MYBPC1: variants seen among roughly 807,000 people sequenced by gnomAD.
The protein encoded by MYBPC1 is myosin binding protein C1.
A neutral mutation model predicts 147.1 loss-of-function variants in MYBPC1; 52 were observed. That is an observed-to-expected ratio of 0.35 (90% CI 0.28 to 0.45). MYBPC1 has a LOEUF of 0.45. MYBPC1 is among the 20% of genes least tolerant of loss of function. The pLI is 1.00. For missense variants in MYBPC1, 1,228 were observed against 1,440.3 expected (o/e 0.85, Z 2.39); for synonymous variants, 477 against 475.9 (o/e 1.00, Z -0.03).
chr12:101,652,875 A>G (rs1247251223), intron 17 of MYBPC1, 91 bp downstream of exon 17: 2 of 1,233,764 alleles, frequency 1.6e-6, no homozygotes, highest in Non-Finnish European at 2.4e-6. Context: ...AAACTAAGTG[A>G]CATTTAAGGA....
intron 11 of MYBPC1, among the ~76,000 whole-genome samples, chr12:101,643,422 G>A (rs866393016): frequency 6.6e-6 from 1 of 152,148 alleles, no homozygotes; most frequent in African/African-American, 2.4e-5. Context: ...AGAGCCAGCT[G>A]ACATCTCTTT....
chr12:101,652,698 C>T lies in MYBPC1; in HGVS notation c.1547C>T (p.Ala516Val), dbSNP rs754020940. Reference protein sequence around the residue: ...HKGRIHKLVIANALTEDEGDY... With the variant: ...HKGRIHKLVIVNALTEDEGDY... ...CTTAGGATCCACAAGTTAGTGATAGCCAATGCCCTCACTGAAGATGAAGGT... is the reference window on the plus strand; with the variant it reads ...CTTAGGATCCACAAGTTAGTGATAGTCAATGCCCTCACTGAAGATGAAGGT... Residue 516 changes from alanine to valine, a missense_variant, in exon 17 of 32, where the codon GCC (alanine) becomes GTC (valine). Around this residue, in one of 2 missense-constraint regions of MYBPC1, gnomAD observed 1,077 missense variants for 1,314.2 expected, o/e 0.82. Coordinates refer to ENST00000361466, the MANE Select transcript of MYBPC1 (RefSeq NM_002465.4). 6.2e-7 allele frequency: 1 copy of T among 1,613,174 alleles called. No individual in the cohort carries two copies. Among genetic ancestry groups the T allele is most frequent in the South Asian group, 1.1e-5 (1 of 91,060 alleles).
intron 16 of MYBPC1, among the ~76,000 whole-genome samples, 196 bp from the exon 17 acceptor site, chr12:101,652,482 G>A (rs768235932): frequency 6.6e-6 from 1 of 151,902 alleles, no homozygotes; most frequent in African/African-American, 2.4e-5. Flanking sequence ...CCAAAATAAA[G>A]ATTTAATTTG....
chr12:101,627,532 C>T (rs1264282029), intron 4 of MYBPC1, among the ~76,000 whole-genome samples: 2 of 152,144 alleles, frequency 1.3e-5, no homozygotes, highest in Admixed American at 6.5e-5. Context: ...CATGAACCAC[C>T]GCCCCCAGCT....
At chr12:101,668,407 C>T (rs1897889658) in intron 23 of MYBPC1, among the ~76,000 whole-genome samples, 1 of 152,126 alleles carries the variant, frequency 6.6e-6, no homozygotes, top group Non-Finnish European at 1.5e-5. Flanking sequence ...GCCTTGCCTT[C>T]CTCACCACCA....
At position 101,655,582 on chromosome 12, in the gene MYBPC1, G is replaced by C. The variant is rs181696260; in HGVS notation, c.1767+2334G>C. Among the ~76,000 whole-genome samples the C allele has an allele frequency of 5.9e-4, 90 of 152,348 alleles. No individual in the cohort carries two copies. In the East Asian group the frequency reaches 0.015, roughly 26 times the overall value. On this transcript the variant is annotated intron_variant, in intron 18 of 31. Transcript: ENST00000361466. ...AGCAACTCCTCTTACATATGTCAGA[G>C]AAGTGAGGATACAGGGCAAACTGCC...
At position 101,678,283 on chromosome 12, in the gene MYBPC1, T is replaced by TTTTGTTATAATG. The variant is rs770361931; in HGVS notation, c.3246+47_3246+48insTGTTATAATGTT. 6.8e-6 allele frequency: 11 copies of TTTTGTTATAATG among 1,606,694 alleles called. No individual in the cohort carries two copies. In the Admixed American group the frequency reaches 1.8e-4, roughly 27 times the overall value. ...CATCAGTTAAAGTCCCTGTCTTGTA[T>TTTTGTTATAATG]TTGTTGTGTTATAATGTAAGTAACA... On this transcript the variant is annotated intron_variant, in intron 28 of 31. Coordinates refer to ENST00000361466, the MANE Select transcript of MYBPC1 (RefSeq NM_002465.4).
At chr12:101,598,264 C>T (rs1276271954) in intron 1 of MYBPC1, among the ~76,000 whole-genome samples, 1 of 152,168 alleles carries the variant, frequency 6.6e-6, no homozygotes, top group African/African-American at 2.4e-5. Flanking sequence ...AGGTGGTCCA[C>T]CTGCCTCTGC....
At chr12:101,655,792 C>A (rs556151959) in intron 18 of MYBPC1, among the ~76,000 whole-genome samples, 6 of 152,112 alleles carry the variant, frequency 3.9e-5, no homozygotes, top group Admixed American at 1.3e-4. Context: ...AAAAGTTGTT[C>A]TTCAGAAAAA....
intron 23 of MYBPC1, 23 bp from the exon 24 acceptor site, chr12:101,670,298 T>G (rs762569866): frequency 6.3e-7 from 1 of 1,593,684 alleles, no homozygotes; most frequent in Non-Finnish European, 8.6e-7. Context: ...ATTGCAAAAT[T>G]GTGCTATTTT....
chr12:101,668,554 G>T, intron 23 of MYBPC1, among the ~76,000 whole-genome samples: 1 of 151,486 alleles, frequency 6.6e-6, no homozygotes, highest in East Asian at 2.0e-4. Flanking sequence ...TCTGCCTCCC[G>T]GGTTCAAGCA....
intron 28 of MYBPC1, among the ~76,000 whole-genome samples, chr12:101,679,982 C>G (rs553849559): frequency 2.6e-5 from 4 of 152,296 alleles, no homozygotes; most frequent in Non-Finnish European, 5.9e-5. Flanking sequence ...TTATCACAAT[C>G]AAATTAATAC....
intron 17 of MYBPC1, 149 bp downstream of exon 17, chr12:101,652,933 T>C (rs1344701714): frequency 3.7e-6 from 4 of 1,070,076 alleles, no homozygotes; most frequent in Middle Eastern, 2.4e-4. Flanking sequence ...ATTGGTGACT[T>C]ATACCAACAC....
In MYBPC1 at chr12:101,685,653, T is replaced by C; in HGVS notation, c.*91T>C. On this transcript the variant is annotated 3_prime_UTR_variant, in exon 32 of 32. Coordinates refer to ENST00000361466, the MANE Select transcript of MYBPC1 (RefSeq NM_002465.4). ...CATAATTGATTCGTATCTGCGAGAC[T>C]TACACTCAAGCAATCCTGAGGAATA... The C allele has an allele frequency of 6.5e-7, 1 of 1,532,366 alleles. No individual in the cohort carries two copies. The highest frequency in any genetic ancestry group is 1.4e-5 in the African/African-American group (1 of 72,986). 94.9% of individuals were successfully genotyped at this position (1,532,366 alleles called of 1,614,324 possible). A position where few individuals can be genotyped will look rare whatever the true frequency, so the allele number is the denominator to read the frequency against.
chr12:101,692,410 G>T, the MYBPC1 span, among the ~76,000 whole-genome samples: 1 of 152,158 alleles, frequency 6.6e-6, no homozygotes, highest in African/African-American at 2.4e-5. Flanking sequence ...TAAGTTATTA[G>T]GTGGCATTTT....
rs771390926 is a variant in MYBPC1, at chr12:101,682,587, A to G, written c.3434-17A>G. On this transcript the variant is annotated splice_polypyrimidine_tract_variant and intron_variant, in intron 29 of 31. Coordinates refer to ENST00000361466, the MANE Select transcript of MYBPC1 (RefSeq NM_002465.4). Reference sequence around the variant, plus strand: ...TGAGAATAAATAAATACTGGTACAAATATTCTGATTCTGCAGTGATATATC... The same window carrying G: ...TGAGAATAAATAAATACTGGTACAAGTATTCTGATTCTGCAGTGATATATC... 3.7e-6 allele frequency: 6 copies of G among 1,606,874 alleles called. No homozygotes were observed. The highest frequency in any genetic ancestry group is 5.1e-6 in the Non-Finnish European group (6 of 1,173,580).
chr12:101,643,039 T>C (rs1892388668), intron 11 of MYBPC1, among the ~76,000 whole-genome samples: 1 of 152,104 alleles, frequency 6.6e-6, no homozygotes, highest in Non-Finnish European at 1.5e-5. Flanking sequence ...GTCCAGTTTA[T>C]TGTGGTCTGA....
At chr12:101,633,412 G>A (rs1890312469) in intron 8 of MYBPC1, among the ~76,000 whole-genome samples, 1 of 152,166 alleles carries the variant, frequency 6.6e-6, no homozygotes, top group Non-Finnish European at 1.5e-5. Context: ...GAGCTGGCCA[G>A]GCACGGTGGT....
chr12:101,652,061 T>C (rs1379213632), intron 16 of MYBPC1, among the ~76,000 whole-genome samples: 1 of 152,220 alleles, frequency 6.6e-6, no homozygotes, highest in Non-Finnish European at 1.5e-5. Context: ...TTTATTTGCG[T>C]AGGGGACATA....
Sources: gnomAD v4.1 joint callset for allele counts (sites outside exome capture counted in the v4.1 genomes callset) on GRCh38, gnomAD v4.1.1 for gene constraint, gnomAD v4.1.1 regional missense constraint, MANE v1.5 for transcripts, NCBI Gene and HGNC (gene_info 2026-07-23, HGNC 2026-07-21) for gene names.